The following MAST4 variants were observed in gnomAD, a reference collection of about 807,000 sequenced individuals.
MAST4 encodes the protein microtubule associated serine/threonine kinase family member 4, also known as microtubule-associated serine/threonine-protein kinase 4.
Under a neutral mutation model 162.7 loss-of-function variants are expected in MAST4, and 89 were observed. That is an observed-to-expected ratio of 0.55 (90% CI 0.46 to 0.65). The LOEUF (loss-of-function observed/expected upper bound fraction) is 0.65. MAST4 is among the 30% of genes least tolerant of loss of function. The probability of loss-of-function intolerance (pLI) is 0.00; values close to 1 mark genes in which losing one functional copy is unlikely to be tolerated. For synonymous variants in MAST4, 1,479 were observed against 1,361.1 expected (o/e 1.09, Z -1.91); for missense variants, 3,153 against 3,374.0 (o/e 0.93, Z 1.62).
intron 1 of MAST4, among the ~76,000 whole-genome samples, chr5:66,706,927 T>C (rs940686336): frequency 1.3e-5 from 2 of 152,218 alleles, no homozygotes; most frequent in African/African-American, 4.8e-5. Context: ...TCAAGATGTG[T>C]GTCAGATTTG....
At chr5:67,022,006 C>A (rs991168911) in intron 4 of MAST4, among the ~76,000 whole-genome samples, 2 of 152,120 alleles carry the variant, frequency 1.3e-5, no homozygotes, top group African/African-American at 4.8e-5. Context: ...TTTAATGTTT[C>A]TTTTGCTTTC....
chr5:67,148,315 G>A (rs1483998029), intron 23 of MAST4, among the ~76,000 whole-genome samples: 1 of 152,152 alleles, frequency 6.6e-6, no homozygotes, highest in Non-Finnish European at 1.5e-5. Flanking sequence ...ACAAAAATGT[G>A]CTATCAATGA....
At chr5:66,677,064 T>C (rs1747995171) in intron 1 of MAST4, among the ~76,000 whole-genome samples, 1 of 152,198 alleles carries the variant, frequency 6.6e-6, no homozygotes, top group African/African-American at 2.4e-5. Flanking sequence ...TAGACATTTA[T>C]TGAGTGCCTC....
At chr5:66,739,247 G>A (rs890104295) in intron 1 of MAST4, among the ~76,000 whole-genome samples, 2 of 152,204 alleles carry the variant, frequency 1.3e-5, no homozygotes, top group Admixed American at 6.5e-5. Flanking sequence ...AACATAAAGT[G>A]TAAAATTATG....
intron 15 of MAST4, 64 bp from the exon 16 acceptor site, chr5:67,131,749 C>G: frequency 6.4e-7 from 1 of 1,556,450 alleles, no homozygotes; most frequent in Non-Finnish European, 8.8e-7. Context: ...ATTCTGCAGT[C>G]TAAACTGATT....
At chr5:67,096,423 C>A (rs1764478644) in intron 7 of MAST4, among the ~76,000 whole-genome samples, 1 of 152,042 alleles carries the variant, frequency 6.6e-6, no homozygotes, top group African/African-American at 2.4e-5. Flanking sequence ...TGCAGGTGTT[C>A]AATATATGGA....
At chr5:66,975,520 CAGTGCTCACAG>C (rs1748030173) in intron 4 of MAST4, among the ~76,000 whole-genome samples, 2 of 152,220 alleles carry the variant, frequency 1.3e-5, no homozygotes, top group Admixed American at 6.5e-5. Flanking sequence ...TGACTAGAAC[CAGTGCTCACAG>C]AGTGCTCATC....
At chr5:67,142,355 A>G (rs1770498520) in intron 20 of MAST4, 66 bp from the exon 21 acceptor site, 2 of 1,509,858 alleles carry the variant, frequency 1.3e-6, no homozygotes, top group South Asian at 2.4e-5. Flanking sequence ...CCAGAAAATC[A>G]TAATTAAAAT....
At chr5:67,021,503 C>T (rs577697589) in intron 4 of MAST4, among the ~76,000 whole-genome samples, 17 of 152,246 alleles carry the variant, frequency 1.1e-4, no homozygotes, top group Non-Finnish European at 2.9e-5. Context: ...TAGCAAGGGA[C>T]CTTCTGAAAT....
At position 67,130,372 on chromosome 5, in the gene MAST4, C is replaced by T. The variant is rs372799689; in HGVS notation, c.1908C>T (p.Ser636=). The T allele has an allele frequency of 8.7e-6, 14 of 1,613,840 alleles. No homozygotes were observed. The African/African-American group carries it at 1.7e-4, about 20-fold the overall frequency. The change falls in exon 15 of 29, where the codon TCC becomes TCT. Residue 636 remains serine, a synonymous_variant. Coordinates refer to ENST00000403625, the MANE Select transcript of MAST4 (RefSeq NM_001164664.2). ...ENPFVVSMYC[S]FETRRHLCMV... is the part of the protein sequence containing the mutation. ...CCTTTGTTGTCAGCATGTATTGCTC[C>T]TTTGAAACAAGGCGCCACTTGTGCA...
intron 1 of MAST4, among the ~76,000 whole-genome samples, chr5:66,756,655 C>A (rs750416647): frequency 1.3e-5 from 2 of 152,170 alleles, no homozygotes; most frequent in Non-Finnish European, 2.9e-5. Flanking sequence ...GTATTTGACT[C>A]AGGACAAAAA....
chr5:66,937,864 T>TC (rs1561461389), intron 4 of MAST4, among the ~76,000 whole-genome samples: 4 of 152,112 alleles, frequency 2.6e-5, no homozygotes, highest in Non-Finnish European at 5.9e-5. Context: ...CTTTCTAAAG[T>TC]GTTTTCTTTT....
At chr5:67,142,685 T>G (rs1272891721) in intron 21 of MAST4, 152 bp downstream of exon 21, 1 of 607,620 alleles carries the variant, frequency 1.6e-6, no homozygotes, top group African/African-American at 1.9e-5. Flanking sequence ...AGTGACCTCC[T>G]CAACTTATAG....
intron 26 of MAST4, 58 bp downstream of exon 26, chr5:67,153,638 G>A (rs1772117292): frequency 4.1e-6 from 6 of 1,461,576 alleles, no homozygotes; most frequent in Non-Finnish European, 5.5e-6. Flanking sequence ...AAAGGGGCTA[G>A]TACCAGGAGA....
At chr5:67,111,859 T>C (rs962789387) in intron 11 of MAST4, among the ~76,000 whole-genome samples, 1 of 152,176 alleles carries the variant, frequency 6.6e-6, no homozygotes, top group Admixed American at 6.5e-5. Context: ...CTTGGAAATA[T>C]TGCTGCTTTC....
At chr5:66,704,492 C>CTTTTTTTTTTTTTTTT (rs1172510331) in intron 1 of MAST4, among the ~76,000 whole-genome samples, 2 of 97,354 alleles carry the variant, frequency 2.1e-5, no homozygotes, top group African/African-American at 4.3e-5. Context: ...GCTTGTTGTT[C>CTTTTTTTTTTTTTTTT]TTTTTTTTTT....
chr5:67,078,883 T>A (rs1209396367), intron 5 of MAST4, among the ~76,000 whole-genome samples: 2 of 97,426 alleles, frequency 2.1e-5, no homozygotes, highest in Non-Finnish European at 3.7e-5. Flanking sequence ...TATATAAATA[T>A]ATTTATATAT....
intron 4 of MAST4, among the ~76,000 whole-genome samples, chr5:67,020,887 A>G (rs147534569): frequency 6.6e-6 from 1 of 152,298 alleles, no homozygotes; most frequent in East Asian, 1.9e-4. Context: ...CTTTATTAGA[A>G]CACAGCTACA....
intron 1 of MAST4, among the ~76,000 whole-genome samples, chr5:66,757,675 C>A (rs1209935166): frequency 1.3e-5 from 2 of 152,100 alleles, no homozygotes; most frequent in Non-Finnish European, 2.9e-5. Flanking sequence ...CTGCAACCAA[C>A]AGTCCCCGTG....
Sources: gnomAD v4.1 joint callset for allele counts (sites outside exome capture counted in the v4.1 genomes callset) on GRCh38, gnomAD v4.1.1 for gene constraint, MANE v1.5 for transcripts, NCBI Gene and HGNC (gene_info 2026-07-23, HGNC 2026-07-21) for gene names.